Variants in DHDDS observed in about 807,000 individuals in gnomAD.
DHDDS encodes dehydrodolichyl diphosphate synthase complex subunit DHDDS.
Under a neutral mutation model 46.2 loss-of-function variants are expected in DHDDS, and 16 were observed. The ratio of observed to expected loss-of-function variants is 0.35; its 90% confidence interval spans 0.23 to 0.53. The LOEUF (loss-of-function observed/expected upper bound fraction) is 0.53, where lower values mean the gene tolerates loss of function less well. Ranked by LOEUF, DHDDS falls within the 20% of genes least tolerant of loss-of-function variation. The pLI is 0.94. For synonymous variants in DHDDS, 151 were observed against 163.1 expected (o/e 0.93, Z 0.56); for missense variants, 340 against 423.7 (o/e 0.80, Z 1.73).
chr1:26,455,487 C>T (rs1469553658), intron 6 of DHDDS, among the ~76,000 whole-genome samples: 4 of 152,146 alleles, frequency 2.6e-5, no homozygotes, highest in Admixed American at 6.6e-5. Flanking sequence ...TGGCTCACAC[C>T]TGTAATCCCA....
intron 5 of DHDDS, 98 bp downstream of exon 5, chr1:26,446,530 C>A: frequency 8.7e-7 from 1 of 1,149,880 alleles, no homozygotes; most frequent in Non-Finnish European, 1.3e-6. Context: ...TGGATTGGTG[C>A]AAGGGGCAAT....
intron 6 of DHDDS, chr1:26,447,952 G>A (rs569375282): frequency 1.7e-6 from 1 of 587,678 alleles, no homozygotes; most frequent in African/African-American, 1.9e-5. Flanking sequence ...CAAATTTAGA[G>A]ATTAGGATTG....
intron 2 of DHDDS, among the ~76,000 whole-genome samples, chr1:26,434,092 T>C (rs2075130567): frequency 6.6e-6 from 1 of 152,194 alleles, no homozygotes; most frequent in Non-Finnish European, 1.5e-5. Flanking sequence ...AGAATTATCA[T>C]GAGAATTTAT....
At position 26,469,237 on chromosome 1, in the gene DHDDS, TC is replaced by T; in HGVS notation, c.*109del. 1 of 1,593,028 alleles carries T rather than the reference TC, an allele frequency of 6.3e-7. No individual in the cohort carries two copies. Among genetic ancestry groups the T allele is most frequent in the Non-Finnish European group, 8.5e-7 (1 of 1,176,168 alleles). ...CTCCTTTCCTGATAATGAATGGTGT[TC>T]CCTTTGCTTGGCTGGGGAGCCCCCC... On this transcript the variant is annotated 3_prime_UTR_variant, in exon 9 of 9. Coordinates refer to ENST00000236342, the MANE Select transcript of DHDDS (RefSeq NM_205861.3).
chr1:26,449,172 C>T (rs1471864682), intron 6 of DHDDS, among the ~76,000 whole-genome samples: 1 of 152,000 alleles, frequency 6.6e-6, no homozygotes, highest in Non-Finnish European at 1.5e-5. Flanking sequence ...GATCTTGGCT[C>T]ACTGCAACCT....
At chr1:26,435,742 G>A (rs975552372) in intron 2 of DHDDS, among the ~76,000 whole-genome samples, 1 of 152,022 alleles carries the variant, frequency 6.6e-6, no homozygotes, top group African/African-American at 2.4e-5. Context: ...AGCCTCCCAA[G>A]TAGCTGGTGT....
chr1:26,461,817 A>T (rs1256837672), intron 8 of DHDDS, among the ~76,000 whole-genome samples: 1 of 152,204 alleles, frequency 6.6e-6, no homozygotes, highest in Non-Finnish European at 1.5e-5. Context: ...GTCTCAGAAT[A>T]TGAGGAAATT....
In DHDDS at chr1:26,470,555, C is replaced by T. The variant is rs916604111; in HGVS notation, c.*1424C>T. The T allele has an allele frequency of 3.3e-5, 5 of 152,430 alleles. No homozygotes were observed. Among genetic ancestry groups the T allele is most frequent in the Admixed American group, 2.6e-4 (4 of 15,278 alleles). 9.4% of individuals were successfully genotyped at this position (152,430 alleles called of 1,614,324 possible). A position where few individuals can be genotyped will look rare whatever the true frequency, so the allele number is the denominator to read the frequency against. On this transcript the variant is annotated 3_prime_UTR_variant, in exon 9 of 9. Coordinates refer to ENST00000236342, the MANE Select transcript of DHDDS (RefSeq NM_205861.3). The stretch of plus-strand genomic sequence containing the variant: ...ACAGGAAACCCCTAACTTTCCTATA[C>T]CCCACCCGCCTCTTCCCCTTTCTGT...
intron 6 of DHDDS, chr1:26,454,585 G>A: frequency 1.3e-6 from 1 of 788,428 alleles, no homozygotes; most frequent in East Asian, 2.5e-5. Flanking sequence ...GGACAAATGG[G>A]CCCTGTTTTT....
intron 8 of DHDDS, among the ~76,000 whole-genome samples, chr1:26,468,035 G>C (rs1006518116): frequency 6.6e-6 from 1 of 152,206 alleles, no homozygotes; most frequent in African/African-American, 2.4e-5. Flanking sequence ...TAGTACTTGG[G>C]ATGATAACTG....
intron 2 of DHDDS, among the ~76,000 whole-genome samples, chr1:26,437,128 C>T (rs1184454805): frequency 6.6e-6 from 1 of 151,988 alleles, no homozygotes; most frequent in East Asian, 1.9e-4. Context: ...CGAGATCGTG[C>T]CACTGCACTC....
At chr1:26,459,071 GA>G (rs1365203219) in intron 7 of DHDDS, among the ~76,000 whole-genome samples, 1 of 152,240 alleles carries the variant, frequency 6.6e-6, no homozygotes, top group Non-Finnish European at 1.5e-5. Context: ...GAGTGAGTCA[GA>G]AATGATCCCT....
At chr1:26,455,542 T>G (rs185687901) in intron 6 of DHDDS, among the ~76,000 whole-genome samples, 1 of 152,206 alleles carries the variant, frequency 6.6e-6, no homozygotes, top group Admixed American at 6.5e-5. Context: ...AGCTCAGGAA[T>G]TCAAGACCAG....
intron 1 of DHDDS, chr1:26,432,622 G>T: frequency 2.6e-6 from 1 of 384,840 alleles, no homozygotes; most frequent in South Asian, 2.6e-5. Flanking sequence ...GCAGGAAACC[G>T]ACTTAGATGT....
intron 6 of DHDDS, chr1:26,448,185 T>A (rs929312158): frequency 2.6e-5 from 4 of 151,146 alleles, no homozygotes; most frequent in African/African-American, 7.8e-5. Context: ...TTCAGGTGTT[T>A]TTCTTTTCTT....
intron 4 of DHDDS, among the ~76,000 whole-genome samples, chr1:26,443,365 G>A (rs1483370903): frequency 6.6e-6 from 1 of 152,168 alleles, no homozygotes; most frequent in Non-Finnish European, 1.5e-5. Context: ...GCTGCACAGT[G>A]AACCCTAAAA....
intron 3 of DHDDS, among the ~76,000 whole-genome samples, chr1:26,440,438 G>A (rs1233176217): frequency 6.6e-6 from 1 of 152,196 alleles, no homozygotes; most frequent in East Asian, 1.9e-4. Flanking sequence ...GAGTTATGTA[G>A]CTTCCCTTTG....
intron 6 of DHDDS, among the ~76,000 whole-genome samples, chr1:26,456,805 T>G (rs1307783316): frequency 6.6e-6 from 1 of 152,230 alleles, no homozygotes; most frequent in Non-Finnish European, 1.5e-5. Flanking sequence ...ATGATGTATC[T>G]TTTTAGACTT....
intron 8 of DHDDS, among the ~76,000 whole-genome samples, chr1:26,461,292 G>A (rs1184290450): frequency 6.6e-6 from 1 of 152,044 alleles, no homozygotes; most frequent in Non-Finnish European, 1.5e-5. Flanking sequence ...TCTAATGAAA[G>A]CCACAGACCA....
Sources: allele counts gnomAD v4.1 joint callset (sites outside exome capture counted in the v4.1 genomes callset), GRCh38; gene constraint gnomAD v4.1.1; transcripts MANE v1.5; gene names NCBI Gene and HGNC (gene_info 2026-07-23, HGNC 2026-07-21).